Variants in ANGPTL1 observed in about 807,000 individuals in gnomAD.
ANGPTL1 encodes angiopoietin like 1, also known as angiopoietin-related protein 1.
In ANGPTL1, 36 loss-of-function variants were observed where a neutral mutation model predicts 46.7. The observed-to-expected ratio is 0.77, with a 90% CI of 0.59 to 1.02. The LOEUF (loss-of-function observed/expected upper bound fraction) is 1.02, where lower values mean the gene tolerates loss of function less well. ANGPTL1 is among the 50% of genes least tolerant of loss of function. The pLI, the probability that ANGPTL1 is intolerant of heterozygous loss-of-function variation, is 0.00. For missense variants in ANGPTL1, 571 were observed against 594.7 expected (o/e 0.96, Z 0.41); for synonymous variants, 221 against 204.3 (o/e 1.08, Z -0.69).
intron 2 of ANGPTL1, among the ~76,000 whole-genome samples, chr1:178,868,057 A>G (rs2102344037): frequency 1.3e-5 from 2 of 152,106 alleles, no homozygotes; most frequent in Non-Finnish European, 2.9e-5. Context: ...AACAATCTGT[A>G]TTTCTATCGA....
intron 3 of ANGPTL1, among the ~76,000 whole-genome samples, chr1:178,858,750 A>G (rs1040737174): frequency 3.3e-5 from 5 of 152,162 alleles, no homozygotes; most frequent in Middle Eastern, 3.2e-3. Flanking sequence ...AAGAACCCAT[A>G]TTTTGAATAG....
At chr1:178,863,466 T>A (rs1014811499) in intron 3 of ANGPTL1, among the ~76,000 whole-genome samples, 1 of 152,344 alleles carries the variant, frequency 6.6e-6, no homozygotes, top group East Asian at 1.9e-4. Context: ...AAAAGCCACC[T>A]AGGTGTGTTT....
chr1:178,859,621 G>C (rs1299801572), intron 3 of ANGPTL1, among the ~76,000 whole-genome samples: 1 of 148,932 alleles, frequency 6.7e-6, no homozygotes, highest in Non-Finnish European at 1.5e-5. Context: ...GACAAGGAAA[G>C]ACACATAAAG....
rs548714686 is a variant in ANGPTL1, at chr1:178,850,593, A to G, written c.*536T>C. ...GCATAGGATATATTATTAAGAATTC[A>G]GATTTAATCATTACGTGTGAAAGGC... On this transcript the variant is annotated 3_prime_UTR_variant, in exon 6 of 6. Transcript: ENST00000234816. 9.2e-5 allele frequency: 14 copies of G among 152,356 alleles called. No individual in the cohort carries two copies. The highest frequency in any genetic ancestry group is 3.1e-4 in the African/African-American group (13 of 41,580). The allele number at this position is 152,356 out of a possible 1,614,324, so 9.4% of individuals were successfully genotyped here.
In ANGPTL1 at chr1:178,865,210, T is replaced by C. The variant is rs149738698; in HGVS notation, c.567A>G (p.Gln189=). 5.7e-4 allele frequency: 928 copies of C among 1,614,026 alleles called. No homozygotes were observed. The highest frequency in any genetic ancestry group is 7.6e-4 in the Non-Finnish European group (899 of 1,179,932). The change falls in exon 3 of 6, where the codon CAA becomes CAG. Residue 189 remains glutamine, a synonymous_variant. Coordinates refer to ENST00000234816, the MANE Select transcript of ANGPTL1 (RefSeq NM_004673.4). ...YASLTDLVNN[Q]SVMITLLEEQ... ...CTTCCAACAAAGTGATCATCACAGA[T>C]TGGTTATTGACAAGATCAGTCAAGG...
chr1:178,863,836 G>A (rs1402199135), intron 3 of ANGPTL1, among the ~76,000 whole-genome samples: 4 of 152,200 alleles, frequency 2.6e-5, no homozygotes, highest in Non-Finnish European at 5.9e-5. Flanking sequence ...GCTGTGAATA[G>A]CGAAGTGGTA....
intron 3 of ANGPTL1, among the ~76,000 whole-genome samples, chr1:178,864,611 C>T (rs931205072): frequency 1.3e-5 from 2 of 152,128 alleles, no homozygotes; most frequent in Non-Finnish European, 2.9e-5. Context: ...CAGCGACGAC[C>T]TAGCTAGAAG....
chr1:178,853,566 T>C, intron 4 of ANGPTL1, 28 bp downstream of exon 4: 1 of 1,496,428 alleles, frequency 6.7e-7, no homozygotes, highest in Non-Finnish European at 8.9e-7. Flanking sequence ...TTTGTTTTAC[T>C]TCCCTTAGGT....
intron 4 of ANGPTL1, 76 bp from the exon 5 acceptor site, chr1:178,853,029 C>T: frequency 6.6e-7 from 1 of 1,511,072 alleles, no homozygotes; most frequent in South Asian, 1.4e-5. Flanking sequence ...CAGTGTTAAA[C>T]ATTCGATAGC....
In ANGPTL1 at chr1:178,869,102, T is replaced by C. The variant is rs956167890; in HGVS notation, c.-27+12A>G. On this transcript the variant is annotated intron_variant, in intron 2 of 5. Transcript: ENST00000234816. ...CCAAGAGAATGTTATAAATTAGTTA[T>C]AGAATACTTACGTTTAAATTTAAGT... 1 of 152,084 alleles carries C rather than the reference T, an allele frequency of 6.6e-6. No individual in the cohort carries two copies. Among genetic ancestry groups the C allele is most frequent in the Non-Finnish European group, 1.5e-5 (1 of 67,940 alleles). 9.4% of individuals were successfully genotyped at this position (152,084 alleles called of 1,614,324 possible).
At position 178,865,142 on chromosome 1, in the gene ANGPTL1, G is replaced by A. The variant is rs1328298793; in HGVS notation, c.635C>T (p.Ser212Phe). The A allele has an allele frequency of 1.3e-6, 2 of 1,598,024 alleles. No homozygotes were observed. The highest frequency in any genetic ancestry group is 1.1e-5 in the South Asian group (1 of 88,150). Residue 212 changes from serine to phenylalanine, a missense_variant, in exon 3 of 6, where the codon TCT becomes TTT. Ser to Phe is a radical substitution (Grantham distance 155). Transcript: ENST00000234816. ...RIFSRQDTHV[S>F]PPLVQVVPQH... ...TGGCACCACCTGGACAAGTGGGGGA[G>A]ACACATGGGTGTCTTGTCGGGAAAA...
At chr1:178,870,563 C>A (rs1248919657) in intron 1 of ANGPTL1, among the ~76,000 whole-genome samples, 178 bp downstream of exon 1, 1 of 152,112 alleles carries the variant, frequency 6.6e-6, no homozygotes, top group African/African-American at 2.4e-5. Context: ...TTAACCATTG[C>A]ACAGTACTTA....
rs1013090184 is a variant in ANGPTL1, at chr1:178,850,834, A to G, written c.*295T>C. 4.5e-6 allele frequency: 1 copy of G among 223,386 alleles called. No homozygotes were observed. Among genetic ancestry groups the G allele is most frequent in the South Asian group, 1.7e-4 (1 of 6,054 alleles). 13.8% of individuals were successfully genotyped at this position (223,386 alleles called of 1,614,324 possible). A position where few individuals can be genotyped will look rare whatever the true frequency, so the allele number is the denominator to read the frequency against. On this transcript the variant is annotated 3_prime_UTR_variant, in exon 6 of 6. Transcript: ENST00000234816. ...GAACATGTTATTTATGATTTAAAAT[A>G]TAGCTAAGATTTGCTTTACATTGTG... is the stretch of plus-strand genomic sequence containing the variant.
At chr1:178,866,624 G>C (rs1202734810) in intron 2 of ANGPTL1, among the ~76,000 whole-genome samples, 1 of 152,092 alleles carries the variant, frequency 6.6e-6, no homozygotes, top group East Asian at 1.9e-4. Context: ...AAAGAAACTT[G>C]TCTGTAATTG....
rs779917349 is a variant in ANGPTL1, at chr1:178,865,086, G to A, written c.691C>T (p.Pro231Ser). Residue 231 changes from proline (P) to serine (S), a missense_variant, in exon 3 of 6, where the codon CCT becomes TCT. Coordinates refer to ENST00000234816, the MANE Select transcript of ANGPTL1 (RefSeq NM_004673.4). ...QHIPNSQQYT[P>S]GLLGGNEIQR... is the part of the protein sequence containing the mutation. The stretch of plus-strand genomic sequence containing the variant: ...ATCTCGTTACCTCCCAGCAGACCAG[G>A]AGTATACTGTTGGCTGTTAGGAATA... 5 of 1,554,610 alleles carry A rather than the reference G, an allele frequency of 3.2e-6. No homozygotes were observed. The highest frequency in any genetic ancestry group is 2.6e-6 in the Non-Finnish European group (3 of 1,148,500).
chr1:178,863,468 G>A (rs1658170107), intron 3 of ANGPTL1, among the ~76,000 whole-genome samples: 1 of 152,204 alleles, frequency 6.6e-6, no homozygotes, highest in South Asian at 2.1e-4. Flanking sequence ...AAGCCACCTA[G>A]GTGTGTTTGT....
intron 3 of ANGPTL1, among the ~76,000 whole-genome samples, chr1:178,855,818 T>C (rs1012002690): frequency 1.6e-4 from 24 of 151,720 alleles, no homozygotes; most frequent in African/African-American, 5.5e-4. Context: ...TCTTTTCTTT[T>C]TTAATTTCTT....
At chr1:178,863,068 A>G (rs2102329508) in intron 3 of ANGPTL1, among the ~76,000 whole-genome samples, 1 of 152,344 alleles carries the variant, frequency 6.6e-6, no homozygotes, top group African/African-American at 2.4e-5. Flanking sequence ...ACTGAGGCAC[A>G]GATAATTTTC....
rs767182284 is a variant in ANGPTL1, at chr1:178,865,137, G to C, written c.640C>G (p.Pro214Ala). Reference protein sequence around the residue: ...FSRQDTHVSPPLVQVVPQHIP... With the variant: ...FSRQDTHVSPALVQVVPQHIP... ...TGTTGTGGCACCACCTGGACAAGTG[G>C]GGGAGACACATGGGTGTCTTGTCGG... The change falls in exon 3 of 6, where the codon CCA (proline) becomes GCA (alanine). Residue 214 changes from proline (P) to alanine (A), a missense_variant. Physicochemically the swap from Pro to Ala is conservative, Grantham distance 27 (BLOSUM62 -1). Coordinates refer to ENST00000234816, the MANE Select transcript of ANGPTL1 (RefSeq NM_004673.4). 2 of 1,595,748 alleles carry C rather than the reference G, an allele frequency of 1.3e-6. No individual in the cohort carries two copies. Among genetic ancestry groups the C allele is most frequent in the Admixed American group, 3.4e-5 (2 of 59,386 alleles).
Sources: gnomAD v4.1 joint callset for allele counts (sites outside exome capture counted in the v4.1 genomes callset) on GRCh38, gnomAD v4.1.1 for gene constraint, MANE v1.5 for transcripts, NCBI Gene and HGNC (gene_info 2026-07-23, HGNC 2026-07-21) for gene names.